Variants in RFX3 observed in about 807,000 individuals in gnomAD.
The protein encoded by RFX3 is transcription factor RFX3.
Under a neutral mutation model 98.6 loss-of-function variants are expected in RFX3, and 14 were observed. That is an observed-to-expected ratio of 0.14 (90% confidence interval 0.09 to 0.22). RFX3 has a LOEUF of 0.22. Among genes scored for constraint, RFX3 ranks in the 10% least tolerant of loss-of-function variants. The pLI is 1.00. For missense variants in RFX3, 639 were observed against 926.9 expected (o/e 0.69, Z 4.03); for synonymous variants, 383 against 328.4 (o/e 1.17, Z -1.80).
intron 12 of RFX3, 113 bp downstream of exon 12, chr9:3,266,095 G>GT (rs1727521869): frequency 5.7e-6 from 3 of 529,160 alleles, no homozygotes; most frequent in Non-Finnish European, 9.8e-6. Flanking sequence ...AAAAGATGAT[G>GT]TATGTTATAA....
intron 1 of RFX3, among the ~76,000 whole-genome samples, chr9:3,414,809 T>C (rs1028499618): frequency 1.4e-5 from 1 of 72,484 alleles, no homozygotes; most frequent in Non-Finnish European, 3.3e-5. Context: ...TGAGTATATA[T>C]GTATATATGA....
At chr9:3,327,122 T>C (rs530076414) in intron 4 of RFX3, among the ~76,000 whole-genome samples, 4 of 152,208 alleles carry the variant, frequency 2.6e-5, no homozygotes, top group African/African-American at 9.6e-5. Flanking sequence ...TCATATACAA[T>C]CTTTTCTCTG....
At chr9:3,509,699 A>T (rs1347272266) in intron 1 of RFX3, among the ~76,000 whole-genome samples, 2 of 152,006 alleles carry the variant, frequency 1.3e-5, no homozygotes, top group African/African-American at 2.4e-5. Flanking sequence ...TTGAATGCAG[A>T]TTTATAAAAC....
intron 1 of RFX3, among the ~76,000 whole-genome samples, chr9:3,426,684 G>T (rs1844068744): frequency 6.6e-6 from 1 of 152,126 alleles, no homozygotes; most frequent in South Asian, 2.1e-4. Context: ...CCCATGCGAG[G>T]GATCTAGGTT....
intron 1 of RFX3, among the ~76,000 whole-genome samples, chr9:3,510,164 A>T (rs961530324): frequency 1.3e-5 from 2 of 151,990 alleles, no homozygotes; most frequent in African/African-American, 4.8e-5. Context: ...AGTAAACGGA[A>T]AGTGGAATAT....
intron 2 of RFX3, among the ~76,000 whole-genome samples, chr9:3,382,470 T>A (rs79314276): frequency 0.011 from 1,708 of 152,262 alleles, 41 homozygotes; most frequent in African/African-American, 0.039. Flanking sequence ...CTGAGGGCCT[T>A]CAGTCTACTA....
At chr9:3,265,999 T>C (rs1026109876) in intron 12 of RFX3, among the ~76,000 whole-genome samples, 1 of 152,076 alleles carries the variant, frequency 6.6e-6, no homozygotes, top group Admixed American at 6.6e-5. Context: ...TGCTTCCCTA[T>C]TCTCTTTGAA....
chr9:3,419,131 T>C (rs1843229200), intron 1 of RFX3, among the ~76,000 whole-genome samples: 1 of 152,182 alleles, frequency 6.6e-6, no homozygotes, highest in Non-Finnish European at 1.5e-5. Flanking sequence ...TGGAACAATT[T>C]CCATTTGGTT....
At chr9:3,348,425 G>A (rs1018177389) in intron 2 of RFX3, among the ~76,000 whole-genome samples, 3 of 151,458 alleles carry the variant, frequency 2.0e-5, no homozygotes, top group Non-Finnish European at 4.4e-5. Context: ...TCCACGTTTC[G>A]CCTGAGGATA....
chr9:3,263,642 A>G (rs17715160), intron 12 of RFX3, among the ~76,000 whole-genome samples: 17,177 of 152,200 alleles, frequency 0.11, 969 homozygotes, highest in Middle Eastern at 0.21. Flanking sequence ...AGAGGCAACC[A>G]ACTAGAATAA....
intron 15 of RFX3, among the ~76,000 whole-genome samples, chr9:3,232,248 C>T (rs1197386430): frequency 3.3e-5 from 5 of 152,192 alleles, no homozygotes; most frequent in African/African-American, 7.2e-5. Flanking sequence ...TCTTCACTGA[C>T]GTGACATCTT....
intron 11 of RFX3, among the ~76,000 whole-genome samples, chr9:3,267,142 T>C (rs1823755374): frequency 6.6e-6 from 1 of 152,006 alleles, no homozygotes; most frequent in African/African-American, 2.4e-5. Flanking sequence ...ACAGAATACT[T>C]TCCTTGTTCA....
intron 1 of RFX3, among the ~76,000 whole-genome samples, chr9:3,517,192 G>A (rs532668053): frequency 1.6e-4 from 25 of 152,240 alleles, no homozygotes; most frequent in African/African-American, 5.8e-4. Context: ...GATTGGAAAG[G>A]GCTTTAGAAA....
At chr9:3,465,313 C>T (rs1227070792) in intron 1 of RFX3, among the ~76,000 whole-genome samples, 2 of 151,832 alleles carry the variant, frequency 1.3e-5, no homozygotes, top group Non-Finnish European at 2.9e-5. Flanking sequence ...TTTTTTGAAA[C>T]AGAGTCTCAC....
In RFX3 at chr9:3,263,022, G is replaced by A; in HGVS notation, c.1518C>T (p.Ala506=). ...LRRYTSLNHL[A]QAARAVLQNT... is the part of the protein sequence containing the mutation. ...TCTGAAGCACTGCACGAGCTGCCTG[G>A]GCCAGGTGATTAAGCGACGTGTATC... The change falls in exon 13 of 17, where the codon GCC becomes GCT. Residue 506 remains alanine (A), a synonymous_variant. Transcript: ENST00000617270. 1 of 1,613,868 alleles carries A rather than the reference G, an allele frequency of 6.2e-7. No homozygotes were observed. Among genetic ancestry groups the A allele is most frequent in the Non-Finnish European group, 8.5e-7 (1 of 1,179,812 alleles).
At chr9:3,229,778 G>C (rs1219097828) in intron 15 of RFX3, among the ~76,000 whole-genome samples, 3 of 152,150 alleles carry the variant, frequency 2.0e-5, no homozygotes, top group Non-Finnish European at 4.4e-5. Context: ...GAAAGGATGA[G>C]GCAGAAATTC....
intron 1 of RFX3, among the ~76,000 whole-genome samples, chr9:3,424,003 C>A (rs184893862): frequency 3.3e-5 from 5 of 151,270 alleles, no homozygotes; most frequent in African/African-American, 1.2e-4. Flanking sequence ...AAAAATTAGC[C>A]GGGCGTGGTG....
intron 1 of RFX3, among the ~76,000 whole-genome samples, chr9:3,415,456 T>G (rs1842904247): frequency 6.6e-6 from 1 of 152,062 alleles, no homozygotes; most frequent in African/African-American, 2.4e-5. Context: ...CAGATCTATT[T>G]AAGAATAAAA....
intron 2 of RFX3, among the ~76,000 whole-genome samples, chr9:3,360,554 A>T (rs1836300818): frequency 6.6e-6 from 1 of 152,164 alleles, no homozygotes; most frequent in African/African-American, 2.4e-5. Flanking sequence ...TATATGCATG[A>T]TGTATTTACA....
Sources: gnomAD v4.1 joint callset for allele counts (sites outside exome capture counted in the v4.1 genomes callset) on GRCh38, gnomAD v4.1.1 for gene constraint, MANE v1.5 for transcripts, NCBI Gene and HGNC (gene_info 2026-07-23, HGNC 2026-07-21) for gene names.